The following RARB variants were observed in gnomAD, a reference collection of about 807,000 sequenced individuals.
RARB encodes retinoic acid receptor beta.
RARB carries 17 observed loss-of-function variants against 51.9 expected under a neutral mutation model. The ratio of observed to expected loss-of-function variants is 0.33; its 90% CI spans 0.22 to 0.49. RARB has a LOEUF of 0.49. Ranked by LOEUF, RARB falls within the 20% of genes least tolerant of loss-of-function variation. The pLI is 0.99. For missense variants in RARB, 369 were observed against 550.8 expected (o/e 0.67, Z 3.30); for synonymous variants, 215 against 195.4 (o/e 1.10, Z -0.84).
intron 2 of RARB, among the ~76,000 whole-genome samples, chr3:24,949,995 A>G (rs2125405118): frequency 6.6e-6 from 1 of 152,370 alleles, no homozygotes; most frequent in East Asian, 1.9e-4. Flanking sequence ...GACAGATTAT[A>G]GCAGTTGCAA....
rs138562457 is a variant in RARB, at chr3:24,939,280, T to G, written c.-380+80528T>G. On this transcript the variant is annotated intron_variant, in intron 2 of 11. Coordinates refer to the RARB transcript ENST00000383772. ...TTGTGAACAATGCTTCCGTGAACTT[T>G]TATGTACAGTGACTGTTTGAGTCCC... Among the ~76,000 whole-genome samples the G allele has an allele frequency of 1.5e-3, 227 of 152,330 alleles. 4 individuals are homozygous for G. In the Middle Eastern group the frequency reaches 0.024, roughly 16 times the overall value.
At chr3:25,583,529 T>C (rs1442217262) in intron 5 of RARB, among the ~76,000 whole-genome samples, 1 of 152,240 alleles carries the variant, frequency 6.6e-6, no homozygotes, top group Non-Finnish European at 1.5e-5. Context: ...GGGCTGGCAC[T>C]TTCACAGGAA....
chr3:25,512,429 C>G (rs79331408), intron 3 of RARB, among the ~76,000 whole-genome samples: 1 of 152,314 alleles, frequency 6.6e-6, no homozygotes, highest in African/African-American at 2.4e-5. Context: ...GGCACTTCAT[C>G]GCTTACACAA....
intron 2 of RARB, among the ~76,000 whole-genome samples, chr3:24,933,296 G>T (rs891677747): frequency 6.6e-6 from 1 of 151,366 alleles, no homozygotes; most frequent in Non-Finnish European, 1.5e-5. Flanking sequence ...TTTTTTTACA[G>T]ATCTTCATGA....
chr3:25,382,946 A>G (rs1265347998), intron 5 of RARB, among the ~76,000 whole-genome samples: 1 of 152,162 alleles, frequency 6.6e-6, no homozygotes, highest in East Asian at 1.9e-4. Flanking sequence ...CGTGGGTCAT[A>G]ACTTTCCCTC....
At chr3:25,006,422 C>T (rs1035587750) in intron 2 of RARB, among the ~76,000 whole-genome samples, 1 of 152,100 alleles carries the variant, frequency 6.6e-6, no homozygotes, top group African/African-American at 2.4e-5. Context: ...GTGACGTTGG[C>T]TTTCAAATAA....
chr3:25,467,710 T>C (rs1695498863), intron 2 of RARB, among the ~76,000 whole-genome samples: 1 of 152,248 alleles, frequency 6.6e-6, no homozygotes, highest in Admixed American at 6.5e-5. Flanking sequence ...CTACCAGAAC[T>C]TGCATTTGGT....
At chr3:25,313,144 T>G (rs964091011) in intron 5 of RARB, among the ~76,000 whole-genome samples, 21 of 152,214 alleles carry the variant, frequency 1.4e-4, no homozygotes, top group Admixed American at 1.2e-3. Context: ...TGTTTTTGTT[T>G]TTGTTTTCCC....
At chr3:25,494,325 T>C (rs1005770448) in intron 2 of RARB, among the ~76,000 whole-genome samples, 6 of 147,750 alleles carry the variant, frequency 4.1e-5, no homozygotes, top group African/African-American at 7.7e-5. Flanking sequence ...GGCTGTTCCC[T>C]GCACTTTCTT....
chr3:24,886,695 C>T lies in RARB; in HGVS notation c.-380+27943C>T, dbSNP rs148557728. On this transcript the variant is annotated intron_variant, in intron 2 of 11. Coordinates refer to the RARB transcript ENST00000383772. Reference sequence around the variant, plus strand: ...GAGAGTGAGTGATTTGCCTGCCTCCCAAAGTGCTGGGATTACAAGCATGAC... The same window carrying T: ...GAGAGTGAGTGATTTGCCTGCCTCCTAAAGTGCTGGGATTACAAGCATGAC... Among the ~76,000 whole-genome samples the T allele has an allele frequency of 1.4e-3, 216 of 152,156 alleles. 4 individuals carry two copies. The Middle Eastern group carries it at 0.02, about 14-fold the overall frequency.
intron 4 of RARB, among the ~76,000 whole-genome samples, chr3:25,158,065 A>G (rs1308828205): frequency 6.6e-6 from 1 of 152,250 alleles, no homozygotes; most frequent in Non-Finnish European, 1.5e-5. Flanking sequence ...GCACCAATGA[A>G]GTTAAACTAC....
At chr3:25,292,566 G>C (rs1166596190) in intron 5 of RARB, among the ~76,000 whole-genome samples, 1 of 152,206 alleles carries the variant, frequency 6.6e-6, no homozygotes, top group Admixed American at 6.5e-5. Context: ...TAAAACAAGA[G>C]AGAGCTTGCG....
At chr3:25,460,667 C>G (rs947963677) in intron 1 of RARB, among the ~76,000 whole-genome samples, 6 of 152,038 alleles carry the variant, frequency 3.9e-5, no homozygotes, top group Non-Finnish European at 5.9e-5. Flanking sequence ...AGGCTGGTCT[C>G]AAACTCCTGA....
intron 5 of RARB, among the ~76,000 whole-genome samples, chr3:25,238,483 C>T (rs1702355367): frequency 6.6e-6 from 1 of 152,054 alleles, no homozygotes; most frequent in Admixed American, 6.5e-5. Context: ...GTACAGGTAT[C>T]CCTTTGATAT....
chr3:25,174,573 C>T, exon 5 of RARB: 1 of 1,352,040 alleles, frequency 7.4e-7, no homozygotes, highest in Non-Finnish European at 9.8e-7. Context: ...CCGTCGCCGG[C>T]AAGTAAGTCC....
chr3:25,452,623 A>G (rs1467659134), intron 1 of RARB, among the ~76,000 whole-genome samples: 1 of 151,590 alleles, frequency 6.6e-6, no homozygotes, highest in Non-Finnish European at 1.5e-5. Flanking sequence ...TTCCCAGACT[A>G]GGAAACAAAT....
chr3:24,856,944 T>A (rs1361417177), intron 1 of RARB, among the ~76,000 whole-genome samples: 1 of 152,164 alleles, frequency 6.6e-6, no homozygotes, highest in Non-Finnish European at 1.5e-5. Flanking sequence ...AATTGATTTA[T>A]TTGGTAGAGA....
chr3:24,856,067 AC>A, intron 1 of RARB, among the ~76,000 whole-genome samples: 1 of 77,550 alleles, frequency 1.3e-5, no homozygotes, highest in Admixed American at 1.9e-4. Flanking sequence ...TGCATTTACA[AC>A]AAGTTTTCCT....
intron 4 of RARB, among the ~76,000 whole-genome samples, chr3:25,163,095 G>C (rs1700498943): frequency 6.6e-6 from 1 of 152,178 alleles, no homozygotes; most frequent in Non-Finnish European, 1.5e-5. Flanking sequence ...CCTTGAGAGA[G>C]GGAGAAAACC....
Sources: gnomAD v4.1 joint callset for allele counts (sites outside exome capture counted in the v4.1 genomes callset) on GRCh38, gnomAD v4.1.1 for gene constraint, MANE v1.5 for transcripts, NCBI Gene and HGNC (gene_info 2026-07-23, HGNC 2026-07-21) for gene names.